FAM193A: variants seen among roughly 807,000 people sequenced by gnomAD.
FAM193A encodes family with sequence similarity 193 member A.
Under a neutral mutation model 126.5 loss-of-function variants are expected in FAM193A, and 22 were observed. That is an observed-to-expected ratio of 0.17 (90% CI 0.12 to 0.25). The LOEUF is 0.25. FAM193A is among the 10% of genes least tolerant of loss of function. The pLI is 1.00. For synonymous variants in FAM193A, 761 were observed against 646.8 expected, an observed-to-expected ratio of 1.18 and a Z score of -2.68; for missense variants, 1,675 against 1,672.8, an observed-to-expected ratio of 1.00 and a Z score of -0.02.
chr4:2,567,084 C>T (rs1050977569), intron 1 of FAM193A, among the ~76,000 whole-genome samples: 5 of 151,690 alleles, frequency 3.3e-5, no homozygotes, highest in Non-Finnish European at 7.4e-5. Context: ...GGACTACAGG[C>T]GCCCGCCACC....
At chr4:2,591,736 A>T (rs1560465533) in intron 1 of FAM193A, among the ~76,000 whole-genome samples, 1 of 152,228 alleles carries the variant, frequency 6.6e-6, no homozygotes, top group Non-Finnish European at 1.5e-5. Context: ...CAAAACTAGA[A>T]TATAAGCCTA....
chr4:2,652,756 G>C (rs759597065), intron 7 of FAM193A, among the ~76,000 whole-genome samples: 20 of 152,216 alleles, frequency 1.3e-4, no homozygotes, highest in Non-Finnish European at 2.5e-4. Flanking sequence ...ATATCACCTG[G>C]CTTTCCCTTC....
chr4:2,639,891 G>A (rs758685433), intron 6 of FAM193A, 32 bp downstream of exon 6: 1 of 1,603,060 alleles, frequency 6.2e-7, no homozygotes, highest in South Asian at 1.1e-5. Context: ...GTGTCTTTGT[G>A]GTGTGACAGC....
chr4:2,661,895 A>G (rs1712489129), intron 10 of FAM193A, among the ~76,000 whole-genome samples: 1 of 152,116 alleles, frequency 6.6e-6, no homozygotes, highest in South Asian at 2.1e-4. Context: ...GTTTAAAATT[A>G]ATTTCAGGCC....
At chr4:2,659,488 A>T in intron 8 of FAM193A, 70 bp from the exon 9 acceptor site, 1 of 1,038,730 alleles carries the variant, frequency 9.6e-7, no homozygotes, top group Non-Finnish European at 1.5e-6. Flanking sequence ...CAGCAGAATT[A>T]CTGAAAAATA....
intron 2 of FAM193A, among the ~76,000 whole-genome samples, chr4:2,621,352 C>T (rs1451303046): frequency 6.6e-6 from 1 of 152,190 alleles, no homozygotes; most frequent in African/African-American, 2.4e-5. Context: ...CAGCCTCCCT[C>T]AGTAGGTGAT....
chr4:2,689,769 G>T, intron 14 of FAM193A, 65 bp downstream of exon 14: 1 of 1,194,242 alleles, frequency 8.4e-7, no homozygotes. Context: ...CATCTTTGCC[G>T]TAGTCTCCCG....
At chr4:2,549,894 A>AT (rs1227758751) in intron 1 of FAM193A, among the ~76,000 whole-genome samples, 1 of 148,354 alleles carries the variant, frequency 6.7e-6, no homozygotes, top group South Asian at 2.1e-4. Context: ...CACCTGGCTA[A>AT]TTTTTTGTAT....
chr4:2,614,750 A>G (rs750858437), intron 2 of FAM193A, among the ~76,000 whole-genome samples: 12 of 152,238 alleles, frequency 7.9e-5, no homozygotes, highest in Non-Finnish European at 1.8e-4. Context: ...AAGTTGCCTT[A>G]TTGGGAAGAT....
At chr4:2,558,013 C>G (rs891170371) in intron 1 of FAM193A, among the ~76,000 whole-genome samples, 1 of 152,042 alleles carries the variant, frequency 6.6e-6, no homozygotes, top group African/African-American at 2.4e-5. Context: ...TGGCTCATGC[C>G]TGTAATCCCA....
In FAM193A at chr4:2,631,044, A is replaced by G; in HGVS notation, c.913A>G (p.Lys305Glu). 1 of 1,613,548 alleles carries G rather than the reference A, an allele frequency of 6.2e-7. No individual in the cohort carries two copies. The highest frequency in any genetic ancestry group is 1.1e-5 in the South Asian group (1 of 91,080). The change falls in exon 5 of 21, where the codon AAG becomes GAG. Residue 305 changes from lysine (K) to glutamate (E), a missense_variant. Physicochemically the swap from Lys to Glu is moderately conservative, Grantham distance 56. Coordinates refer to ENST00000637812, the MANE Select transcript of FAM193A (RefSeq NM_001366318.2). Reference sequence around the variant, plus strand: ...GCTCCGGCAGCTGTCGGCTGCGGCCAAGGTGAAGGCACCATCTGGCCTGCA... The same window carrying G: ...GCTCCGGCAGCTGTCGGCTGCGGCCGAGGTGAAGGCACCATCTGGCCTGCA... ...RLLRQLSAAAKVKAPSGLQGP... is the reference protein window; with the variant it reads ...RLLRQLSAAAEVKAPSGLQGP...
chr4:2,607,902 T>C, intron 2 of FAM193A: 6 of 996,662 alleles, frequency 6.0e-6, no homozygotes, highest in Non-Finnish European at 8.8e-6. Context: ...TTCTTTTTTG[T>C]CTGTTTTTCA....
At chr4:2,682,967 T>C (rs1715325007) in intron 13 of FAM193A, among the ~76,000 whole-genome samples, 1 of 152,258 alleles carries the variant, frequency 6.6e-6, no homozygotes, top group Non-Finnish European at 1.5e-5. Flanking sequence ...TAGATCCACG[T>C]TTCTGACCTT....
At chr4:2,626,353 G>C in intron 3 of FAM193A, 57 bp from the exon 4 acceptor site, 1 of 678,726 alleles carries the variant, frequency 1.5e-6, no homozygotes, top group Non-Finnish European at 2.7e-6. Flanking sequence ...CAGTGTGCTA[G>C]GTGAGGAAGG....
chr4:2,699,436 A>ACCCCCC (rs111815931), intron 18 of FAM193A, among the ~76,000 whole-genome samples: 1 of 61,058 alleles, frequency 1.6e-5, no homozygotes, highest in Non-Finnish European at 3.6e-5. Context: ...GTTAACTACC[A>ACCCCCC]CCCCCCCCCC....
chr4:2,623,632 G>C (rs1228761909), intron 2 of FAM193A, among the ~76,000 whole-genome samples: 1 of 152,134 alleles, frequency 6.6e-6, no homozygotes, highest in Non-Finnish European at 1.5e-5. Context: ...CAGCAGACTG[G>C]GGTAGTGCAA....
intron 7 of FAM193A, among the ~76,000 whole-genome samples, chr4:2,654,028 ACTCCACT>A (rs1193252883): frequency 6.6e-6 from 1 of 152,100 alleles, no homozygotes; most frequent in Non-Finnish European, 1.5e-5. Flanking sequence ...GTTTGTGGCC[ACTCCACT>A]CTCCACTGGA....
At chr4:2,537,372 C>T (rs1346567328) in intron 1 of FAM193A, among the ~76,000 whole-genome samples, 3 of 152,202 alleles carry the variant, frequency 2.0e-5, no homozygotes, top group Non-Finnish European at 4.4e-5. Context: ...GTGACGCGGC[C>T]TCTGTCAGCC....
intron 13 of FAM193A, among the ~76,000 whole-genome samples, chr4:2,684,004 G>A (rs1366602375): frequency 1.3e-5 from 2 of 151,994 alleles, no homozygotes; most frequent in African/African-American, 4.8e-5. Flanking sequence ...TGTTTTTATT[G>A]CCAGCATTTC....
Sources: gnomAD v4.1 joint callset for allele counts (sites outside exome capture counted in the v4.1 genomes callset) on GRCh38, gnomAD v4.1.1 for gene constraint, MANE v1.5 for transcripts, NCBI Gene and HGNC (gene_info 2026-07-23, HGNC 2026-07-21) for gene names.